The following SMAP1 variants were observed in gnomAD, a reference collection of about 807,000 sequenced individuals.
The protein encoded by SMAP1 is small ArfGAP 1.
SMAP1 carries 24 observed loss-of-function variants against 58.5 expected under a neutral mutation model. The ratio of observed to expected loss-of-function variants is 0.41; its 90% confidence interval spans 0.30 to 0.58. The LOEUF (loss-of-function observed/expected upper bound fraction) is 0.58. Among genes scored for constraint, SMAP1 ranks in the 20% least tolerant of loss-of-function variants. The pLI, the probability that SMAP1 is intolerant of heterozygous loss-of-function variation, is 0.29. For missense variants in SMAP1, 563 were observed against 566.3 expected, an observed-to-expected ratio of 0.99 and a Z score of 0.06; for synonymous variants, 216 against 196.6, an observed-to-expected ratio of 1.10 and a Z score of -0.82.
chr6:70,858,484 T>C lies in SMAP1; in HGVS notation c.1269+255T>C, dbSNP rs568033340. 6 of 323,482 alleles carry C rather than the reference T, an allele frequency of 1.9e-5. No homozygotes were observed. In the South Asian group the frequency reaches 2.3e-4, roughly 13 times the overall value. The allele number at this position is 323,482 out of a possible 1,614,324, so 20.0% of individuals were successfully genotyped here. On this transcript the variant is annotated intron_variant, in intron 10 of 10. Transcript: ENST00000370455. The stretch of plus-strand genomic sequence containing the variant: ...AAACATCTTTCATTTCAAATTGTAA[T>C]GTAACTGTAACGTGAACACCACTAA...
Position 70,858,429 on chromosome 6 carries a change from T to A in SMAP1, c.1269+200T>A, listed in dbSNP as rs1339223375. ...TAGACAAATGATGTGTTATTATCGC[T>A]ATTTTAGAGTATTCTGTAAAAAAAA... On this transcript the variant is annotated intron_variant, in intron 10 of 10. Coordinates refer to ENST00000370455, the MANE Select transcript of SMAP1 (RefSeq NM_001044305.3). 4 of 465,810 alleles carry A rather than the reference T, an allele frequency of 8.6e-6. No individual in the cohort carries two copies. In the East Asian group the frequency reaches 1.5e-4, roughly 17 times the overall value. 28.9% of individuals were successfully genotyped at this position (465,810 alleles called of 1,614,324 possible). A position where few individuals can be genotyped will look rare whatever the true frequency, so the allele number is the denominator to read the frequency against.
intron 6 of SMAP1, among the ~76,000 whole-genome samples, chr6:70,828,978 C>A (rs1329246551): frequency 6.6e-6 from 1 of 152,158 alleles, no homozygotes; most frequent in Non-Finnish European, 1.5e-5. Context: ...CCCAGGAGAT[C>A]AAGGCTGCCG....
chr6:70,773,139 G>A, intron 3 of SMAP1: 1 of 413,754 alleles, frequency 2.4e-6, no homozygotes. Context: ...GATGAGTTTT[G>A]TTCAGTGAGA....
At chr6:70,799,551 G>C (rs1368301109) in intron 6 of SMAP1, among the ~76,000 whole-genome samples, 2 of 152,132 alleles carry the variant, frequency 1.3e-5, no homozygotes, top group Admixed American at 1.3e-4. Context: ...TGTCAGTAAA[G>C]GGAGCATCCT....
rs76702220 is a variant in SMAP1 at position 70,709,351 on chromosome 6, T to C, written c.119-23027T>C. On this transcript the variant is annotated intron_variant, in intron 1 of 10. Coordinates refer to ENST00000370455, the MANE Select transcript of SMAP1 (RefSeq NM_001044305.3). ...CTATAGCTTTATAATACTTTTTTTT[T>C]CTTTTGAGACAGGCTCTCGCTCTGT... is the stretch of plus-strand genomic sequence containing the variant. Among the ~76,000 whole-genome samples, 304 of 152,248 alleles carry C rather than the reference T, an allele frequency of 2.0e-3. 2 individuals carry two copies. The highest frequency in any genetic ancestry group is 7.1e-3 in the African/African-American group (294 of 41,540).
intron 2 of SMAP1, among the ~76,000 whole-genome samples, chr6:70,741,846 A>G (rs1582095302): frequency 2.0e-5 from 3 of 152,156 alleles, no homozygotes; most frequent in Admixed American, 2.0e-4. Context: ...CCAAAAGTCA[A>G]TTCTTGACTT....
intron 7 of SMAP1, among the ~76,000 whole-genome samples, chr6:70,847,272 C>T (rs1044213548): frequency 6.6e-6 from 1 of 152,132 alleles, no homozygotes; most frequent in Non-Finnish European, 1.5e-5. Flanking sequence ...TCTAACATCT[C>T]TCAGTGTCAT....
intron 3 of SMAP1, among the ~76,000 whole-genome samples, chr6:70,758,476 T>A (rs1258771485): frequency 6.6e-6 from 1 of 151,664 alleles, no homozygotes; most frequent in Non-Finnish European, 1.5e-5. Context: ...CATATGTAAC[T>A]AACCTGCACA....
In SMAP1 at chr6:70,861,710, C is replaced by CTAGAT. The variant is rs1246989113; in HGVS notation, c.*1379_*1383dup. The CTAGAT allele has an allele frequency of 2.5e-6, 4 of 1,614,070 alleles. No homozygotes were observed. The highest frequency in any genetic ancestry group is 2.2e-5 in the East Asian group (1 of 44,872). ...TCCAGGTGGTACTTTGGCTCGTTGG[C>CTAGAT]TAGATTAACCTTCTCTGTCCGAGTG... On this transcript the variant is annotated 3_prime_UTR_variant, in exon 11 of 11. Transcript: ENST00000370455.
intron 1 of SMAP1, among the ~76,000 whole-genome samples, chr6:70,709,268 A>G (rs902888653): frequency 1.3e-5 from 2 of 152,156 alleles, no homozygotes; most frequent in African/African-American, 2.4e-5. Flanking sequence ...CTGTTTCATT[A>G]GTCTGTGTCT....
At chr6:70,689,488 GAAGT>G (rs1316692196) in intron 1 of SMAP1, among the ~76,000 whole-genome samples, 8 of 152,172 alleles carry the variant, frequency 5.3e-5, no homozygotes, top group Admixed American at 1.3e-4. Context: ...AATAAGCCTG[GAAGT>G]AAGTAAGGTA....
intron 1 of SMAP1, among the ~76,000 whole-genome samples, chr6:70,717,764 A>G (rs1324528390): frequency 1.3e-5 from 2 of 152,218 alleles, no homozygotes; most frequent in Admixed American, 6.5e-5. Flanking sequence ...ATGCCATTCA[A>G]ATAGAACCAG....
At chr6:70,759,408 A>T (rs146129784) in intron 3 of SMAP1, among the ~76,000 whole-genome samples, 1,638 of 152,190 alleles carry the variant, frequency 0.011, 34 homozygotes, top group African/African-American at 0.037. Flanking sequence ...TCCCTTGAAT[A>T]TAACAGGGTA....
intron 4 of SMAP1, among the ~76,000 whole-genome samples, chr6:70,775,190 A>G (rs1010739634): frequency 6.6e-5 from 10 of 152,286 alleles, no homozygotes; most frequent in African/African-American, 2.4e-4. Flanking sequence ...CGCTGTAAGC[A>G]TTGATGGGGG....
chr6:70,739,320 A>T (rs183293779), intron 2 of SMAP1, among the ~76,000 whole-genome samples: 3 of 152,266 alleles, frequency 2.0e-5, no homozygotes, highest in African/African-American at 7.2e-5. Context: ...AACATAAATA[A>T]AATATATAAT....
intron 6 of SMAP1, among the ~76,000 whole-genome samples, chr6:70,825,867 A>G (rs756780063): frequency 3.9e-5 from 6 of 152,172 alleles, no homozygotes; most frequent in Non-Finnish European, 7.3e-5. Context: ...CCGAATAAGC[A>G]TGCCACTCCT....
rs573797217 is a variant in SMAP1 at position 70,861,395 on chromosome 6, G to A, written c.*1061G>A. ...CTCAAGAGTGGTATCTTGCAGTATCGGCACTGTACAAAAAAATCTTCCAAT... is the reference window on the plus strand; with the variant it reads ...CTCAAGAGTGGTATCTTGCAGTATCAGCACTGTACAAAAAAATCTTCCAAT... On this transcript the variant is annotated 3_prime_UTR_variant, in exon 11 of 11. Coordinates refer to ENST00000370455, the MANE Select transcript of SMAP1 (RefSeq NM_001044305.3). 1.2e-3 allele frequency: 511 copies of A among 420,624 alleles called. 7 individuals carry two copies. The highest frequency in any genetic ancestry group is 9.0e-3 in the South Asian group (247 of 27,296). The allele number at this position is 420,624 out of a possible 1,614,324, so 26.1% of individuals were successfully genotyped here. A position where few individuals can be genotyped will look rare whatever the true frequency, so the allele number is the denominator to read the frequency against.
chr6:70,725,613 C>T (rs1562116933), intron 1 of SMAP1, among the ~76,000 whole-genome samples: 2 of 152,072 alleles, frequency 1.3e-5, no homozygotes, highest in South Asian at 4.1e-4. Flanking sequence ...TCTTTGAGAT[C>T]TTTGAGTTTG....
chr6:70,842,020 T>C (rs923141094), intron 7 of SMAP1, among the ~76,000 whole-genome samples: 2 of 152,178 alleles, frequency 1.3e-5, no homozygotes, highest in Non-Finnish European at 2.9e-5. Context: ...GTCCTGGTGA[T>C]CCACAGTTAC....
Sources: gnomAD v4.1 joint callset for allele counts (sites outside exome capture counted in the v4.1 genomes callset) on GRCh38, gnomAD v4.1.1 for gene constraint, MANE v1.5 for transcripts, NCBI Gene and HGNC (gene_info 2026-07-23, HGNC 2026-07-21) for gene names.